FAM13A: variants seen among roughly 807,000 people sequenced by gnomAD.
The protein encoded by FAM13A is protein FAM13A.
In FAM13A, 76 loss-of-function variants were observed where a neutral mutation model predicts 129.6. That is an observed-to-expected ratio of 0.59 (90% CI 0.49 to 0.71). The LOEUF is 0.71. Among genes scored for constraint, FAM13A ranks in the 30% least tolerant of loss-of-function variants. The pLI is 0.00. For synonymous variants in FAM13A, 443 were observed against 449.9 expected (o/e 0.98, Z 0.20); for missense variants, 1,108 against 1,249.3 (o/e 0.89, Z 1.70).
At chr4:88,995,957 T>G (rs1037355452) in intron 3 of FAM13A, among the ~76,000 whole-genome samples, 4 of 152,160 alleles carry the variant, frequency 2.6e-5, no homozygotes, top group Non-Finnish European at 1.5e-5. Context: ...CAGAGTGATG[T>G]CAGGGTACAA....
rs1228941388 is a variant in FAM13A, at chr4:88,726,900, A to ACTT, written c.*1630_*1632dup. ...CAAGCTTCCATACGATTAAGAGCAA[A>ACTT]CTTAAAGGCATTCTTTTTCCCCATC... On this transcript the variant is annotated 3_prime_UTR_variant, in exon 24 of 24. Coordinates refer to ENST00000264344, the MANE Select transcript of FAM13A (RefSeq NM_014883.4). The ACTT allele has an allele frequency of 6.6e-6, 1 of 152,652 alleles. No individual in the cohort carries two copies. Among genetic ancestry groups the ACTT allele is most frequent in the Non-Finnish European group, 1.5e-5 (1 of 68,042 alleles). 9.5% of individuals were successfully genotyped at this position (152,652 alleles called of 1,614,324 possible). A position where few individuals can be genotyped will look rare whatever the true frequency, so the allele number is the denominator to read the frequency against.
At chr4:88,822,089 T>G (rs1441275832) in intron 7 of FAM13A, among the ~76,000 whole-genome samples, 1 of 152,232 alleles carries the variant, frequency 6.6e-6, no homozygotes, top group Non-Finnish European at 1.5e-5. Context: ...AATTTTTTTT[T>G]TACTAATAAA....
intron 3 of FAM13A, among the ~76,000 whole-genome samples, chr4:89,014,852 G>C (rs1368595635): frequency 1.3e-5 from 2 of 152,156 alleles, no homozygotes; most frequent in Non-Finnish European, 1.5e-5. Context: ...ATTGAAAAAA[G>C]AACAGGATAA....
chr4:88,762,063 C>T (rs147599575), intron 13 of FAM13A, among the ~76,000 whole-genome samples: 64 of 152,146 alleles, frequency 4.2e-4, no homozygotes, highest in African/African-American at 1.3e-3. Flanking sequence ...TGGTCAGGGA[C>T]AGTCTCTGTG....
intron 5 of FAM13A, among the ~76,000 whole-genome samples, chr4:88,909,426 C>A (rs1022197845): frequency 1.3e-5 from 2 of 151,866 alleles, no homozygotes; most frequent in African/African-American, 2.4e-5. Context: ...TTGGTTATTG[C>A]CAGGGGTTGG....
chr4:88,748,641 T>C (rs1741892281), intron 17 of FAM13A, among the ~76,000 whole-genome samples: 1 of 152,226 alleles, frequency 6.6e-6, no homozygotes, highest in Non-Finnish European at 1.5e-5. Flanking sequence ...TGTTTGCTTC[T>C]ACCACCACAG....
At chr4:88,757,045 CTT>C (rs952760112) in intron 14 of FAM13A, among the ~76,000 whole-genome samples, 1 of 151,850 alleles carries the variant, frequency 6.6e-6, no homozygotes, top group African/African-American at 2.4e-5. Context: ...TTTCCAATAA[CTT>C]TTTAAAAAAA....
At chr4:89,050,960 T>G (rs963406727) in intron 1 of FAM13A, among the ~76,000 whole-genome samples, 7 of 152,136 alleles carry the variant, frequency 4.6e-5, no homozygotes, top group Admixed American at 4.6e-4. Context: ...ATAACCATCA[T>G]GGTCTTGAAA....
At chr4:88,748,710 T>C (rs1741904203) in intron 17 of FAM13A, among the ~76,000 whole-genome samples, 2 of 152,178 alleles carry the variant, frequency 1.3e-5, no homozygotes, top group Admixed American at 1.3e-4. Flanking sequence ...CCATCATCCT[T>C]CTATTAGTGA....
At chr4:88,736,125 A>G (rs1485945619) in intron 21 of FAM13A, among the ~76,000 whole-genome samples, 3 of 152,208 alleles carry the variant, frequency 2.0e-5, no homozygotes, top group Non-Finnish European at 4.4e-5. Flanking sequence ...TTTGTCTTTC[A>G]TTAACATCAA....
chr4:88,925,917 G>A (rs146658385), intron 5 of FAM13A, among the ~76,000 whole-genome samples: 3 of 152,188 alleles, frequency 2.0e-5, no homozygotes, highest in Non-Finnish European at 2.9e-5. Context: ...GGAGGGCTTC[G>A]TGGAGGGGGT....
At position 88,914,887 on chromosome 4, in the gene FAM13A, T is replaced by A. The variant is rs957016213; in HGVS notation, c.760-8425A>T. On this transcript the variant is annotated intron_variant, in intron 5 of 23. Transcript: ENST00000264344. Reference sequence around the variant, plus strand: ...ACCATTAGAGAATTTTGGTGGACTCTGTGATATTGGGAACAAGATAATAAC... The same window carrying A: ...ACCATTAGAGAATTTTGGTGGACTCAGTGATATTGGGAACAAGATAATAAC... Among the ~76,000 whole-genome samples, 4 of 152,228 alleles carry A rather than the reference T, an allele frequency of 2.6e-5. No homozygotes were observed. In the East Asian group the frequency reaches 5.8e-4, roughly 22 times the overall value.
rs114837111 is a variant in FAM13A at position 88,991,022 on chromosome 4, G to A, written c.556C>T (p.Arg186Cys). The change falls in exon 4 of 24, where the codon CGC (arginine) becomes TGC (cysteine). Residue 186 changes from arginine to cysteine, a missense_variant. Transcript: ENST00000264344. The stretch of plus-strand genomic sequence containing the variant: ...GTGGCGAGATTGTGAACATTCATGC[G>A]ATTCTGCACATGATGCTTGGCTACT... Reference protein sequence around the residue: ...TKVAKHHVQNRMNVHNLATVF... With the variant: ...TKVAKHHVQNCMNVHNLATVF... 8.7e-4 allele frequency: 1,406 copies of A among 1,614,124 alleles called. 7 individuals carry two copies. The African/African-American group carries it at 0.016, about 18-fold the overall frequency.
Position 88,955,456 on chromosome 4 carries a change from C to T in FAM13A, c.606-17215G>A, listed in dbSNP as rs554419897. Among the ~76,000 whole-genome samples, 10 of 152,144 alleles carry T rather than the reference C, an allele frequency of 6.6e-5. No homozygotes were observed. In the East Asian group the frequency reaches 1.9e-3, roughly 29 times the overall value. ...GTCTCGGGTATGTCTTTATTAGCAGCGTGAGAACAAACCAACACAGTAAAT... is the reference window on the plus strand; with the variant it reads ...GTCTCGGGTATGTCTTTATTAGCAGTGTGAGAACAAACCAACACAGTAAAT... On this transcript the variant is annotated intron_variant, in intron 4 of 23. Coordinates refer to ENST00000264344, the MANE Select transcript of FAM13A (RefSeq NM_014883.4).
At chr4:88,750,665 A>C in intron 14 of FAM13A, 28 bp from the exon 15 acceptor site, 1 of 1,553,444 alleles carries the variant, frequency 6.4e-7, no homozygotes. Flanking sequence ...TAAGATCAGG[A>C]CTGTTCCTGA....
intron 4 of FAM13A, among the ~76,000 whole-genome samples, chr4:88,958,300 C>T (rs1018040595): frequency 6.6e-6 from 1 of 152,232 alleles, no homozygotes; most frequent in Non-Finnish European, 1.5e-5. Flanking sequence ...CTACCCTGCA[C>T]CGCTTCAGGA....
chr4:88,942,607 T>C (rs77487843), intron 4 of FAM13A, among the ~76,000 whole-genome samples: 2 of 143,782 alleles, frequency 1.4e-5, no homozygotes, highest in African/African-American at 2.5e-5. Flanking sequence ...AAAAAAAAAA[T>C]AGGGTTCTAA....
intron 8 of FAM13A, among the ~76,000 whole-genome samples, chr4:88,802,475 T>C (rs1177724171): frequency 6.6e-6 from 1 of 152,174 alleles, no homozygotes; most frequent in Non-Finnish European, 1.5e-5. Flanking sequence ...AGATATTTGA[T>C]TTAGAATAAA....
chr4:88,963,852 C>T (rs1184552891), intron 4 of FAM13A, among the ~76,000 whole-genome samples: 1 of 152,118 alleles, frequency 6.6e-6, no homozygotes, highest in Non-Finnish European at 1.5e-5. Context: ...CTTGCAGGCA[C>T]CCACTTTACT....
Sources: gnomAD v4.1 joint callset for allele counts (sites outside exome capture counted in the v4.1 genomes callset) on GRCh38, gnomAD v4.1.1 for gene constraint, MANE v1.5 for transcripts, NCBI Gene and HGNC (gene_info 2026-07-23, HGNC 2026-07-21) for gene names.